Variants in TBX15 observed in about 807,000 individuals in gnomAD.
TBX15 encodes the protein T-box transcription factor 15, also known as T-box transcription factor TBX15.
In TBX15, 18 loss-of-function variants were observed where a neutral mutation model predicts 53.9. The observed-to-expected ratio is 0.33, with a 90% CI of 0.23 to 0.49. The LOEUF (loss-of-function observed/expected upper bound fraction) is 0.49, where lower values mean the gene tolerates loss of function less well. Ranked by LOEUF, TBX15 falls within the 20% of genes least tolerant of loss-of-function variation. TBX15 has a pLI of 0.98. For missense variants in TBX15, 692 were observed against 749.5 expected (o/e 0.92, Z 0.90); for synonymous variants, 295 against 278.0 (o/e 1.06, Z -0.61).
chr1:118,919,136 A>G (rs1354139874), intron 5 of TBX15, among the ~76,000 whole-genome samples: 1 of 152,224 alleles, frequency 6.6e-6, no homozygotes, highest in Non-Finnish European at 1.5e-5. Flanking sequence ...TCATCAAGAA[A>G]TAAGACTGTG....
At position 118,940,724 on chromosome 1, in the gene TBX15, AAAC is replaced by A. The variant is rs1206513395; in HGVS notation, c.206-8895_206-8893del. ...ACGCCAATGACCAAGCATATCAGAA[AAAC>A]AAAAAAAAATAAATAAAGGACAAAT... On this transcript the variant is annotated intron_variant, in intron 1 of 7. Transcript: ENST00000369429. Among the ~76,000 whole-genome samples, 82 of 101,702 alleles carry A rather than the reference AAAC, an allele frequency of 8.1e-4. 1 individual carries two copies. Among genetic ancestry groups the A allele is most frequent in the African/African-American group, 1.9e-3 (52 of 27,688 alleles). The allele number at this position is 101,702 out of a possible 152,430, so 66.7% of individuals were successfully genotyped here.
chr1:118,926,902 G>A (rs1571180699), intron 2 of TBX15, among the ~76,000 whole-genome samples: 1 of 134,536 alleles, frequency 7.4e-6, no homozygotes, highest in Admixed American at 7.5e-5. Flanking sequence ...GTGTGTGTGT[G>A]TTTAGTAGAG....
chr1:118,953,475 A>G (rs543460197), intron 1 of TBX15, among the ~76,000 whole-genome samples: 13 of 152,310 alleles, frequency 8.5e-5, no homozygotes, highest in East Asian at 3.9e-4. Context: ...CACTCCAATT[A>G]GAAAGAAAGG....
intron 1 of TBX15, among the ~76,000 whole-genome samples, chr1:118,987,366 C>A (rs1255128599): frequency 6.6e-6 from 1 of 152,276 alleles, no homozygotes; most frequent in African/African-American, 2.4e-5. Context: ...ACAAACAGGA[C>A]TCCTTGCTTA....
intron 1 of TBX15, among the ~76,000 whole-genome samples, chr1:118,932,500 T>C (rs975854027): frequency 6.6e-6 from 1 of 152,120 alleles, no homozygotes. Context: ...TGTAAGCATA[T>C]GGAAAAAGTT....
intron 2 of TBX15, among the ~76,000 whole-genome samples, chr1:118,927,821 G>C (rs1655648170): frequency 6.6e-6 from 1 of 152,178 alleles, no homozygotes; most frequent in African/African-American, 2.4e-5. Context: ...AAAACATCAA[G>C]CTCAAGCTCT....
chr1:118,890,034 C>T (rs116470281), intron 7 of TBX15, among the ~76,000 whole-genome samples: 2,561 of 152,294 alleles, frequency 0.017, 34 homozygotes, highest in Non-Finnish European at 0.027. Context: ...GTGTTGGCCT[C>T]TGTCTGTGGA....
At chr1:118,906,804 C>T (rs1397625038) in intron 6 of TBX15, among the ~76,000 whole-genome samples, 1 of 152,198 alleles carries the variant, frequency 6.6e-6, no homozygotes, top group Non-Finnish European at 1.5e-5. Flanking sequence ...AGAAGGACTG[C>T]CACCAGCCAC....
At position 118,885,027 on chromosome 1, in the gene TBX15, G is replaced by GAGCTC. The variant is rs771828227; in HGVS notation, c.1509_1513dup (p.Ser505Ter). 6.8e-6 allele frequency: 11 copies of GAGCTC among 1,614,024 alleles called. No homozygotes were observed. Among genetic ancestry groups the GAGCTC allele is most frequent in the Non-Finnish European group, 9.3e-6 (11 of 1,180,024 alleles). On this transcript the variant is annotated stop_gained and frameshift_variant, in exon 8 of 8. Coordinates refer to ENST00000369429, the MANE Select transcript of TBX15 (RefSeq NM_001330677.2). LOFTEE classifies it high-confidence loss of function. ...GTTGTGAAGGGAGAAGGCATTGTAG[G>GAGCTC]AGCTCTGCTGCATGTGGCTGCCCCC...
At chr1:118,934,224 T>C (rs1315296060) in intron 1 of TBX15, among the ~76,000 whole-genome samples, 1 of 152,086 alleles carries the variant, frequency 6.6e-6, no homozygotes, top group Non-Finnish European at 1.5e-5. Flanking sequence ...AACTTAAGGA[T>C]TACACCTCTA....
intron 7 of TBX15, among the ~76,000 whole-genome samples, chr1:118,893,984 C>A (rs1272945191): frequency 1.3e-5 from 2 of 152,148 alleles, no homozygotes. Flanking sequence ...TAAACAAGAG[C>A]TCACCTTAAG....
intron 1 of TBX15, among the ~76,000 whole-genome samples, chr1:118,951,780 G>A (rs1656522437): frequency 6.6e-6 from 1 of 152,162 alleles, no homozygotes; most frequent in African/African-American, 2.4e-5. Flanking sequence ...TAGTGTCCCA[G>A]CCCTATCTGG....
intron 7 of TBX15, among the ~76,000 whole-genome samples, chr1:118,892,304 G>A (rs542511842): frequency 6.6e-6 from 1 of 152,292 alleles, no homozygotes; most frequent in South Asian, 2.1e-4. Context: ...TCATATTAGT[G>A]TCCCTGGCAA....
At chr1:118,926,419 G>T in intron 3 of TBX15, 91 bp downstream of exon 3, 3 of 1,082,614 alleles carry the variant, frequency 2.8e-6, no homozygotes, top group Non-Finnish European at 4.2e-6. Context: ...TGTACAGCAT[G>T]CATTGCTAAA....
chr1:118,899,919 T>G (rs557385027), intron 6 of TBX15, among the ~76,000 whole-genome samples: 1 of 152,292 alleles, frequency 6.6e-6, no homozygotes, highest in Non-Finnish European at 1.5e-5. Flanking sequence ...TAAATTGGAC[T>G]ATGTGCATAC....
intron 7 of TBX15, among the ~76,000 whole-genome samples, chr1:118,893,424 AGATG>A (rs1654254385): frequency 1.5e-5 from 2 of 134,624 alleles, no homozygotes; most frequent in African/African-American, 3.1e-5. Context: ...AAGGAAAGAA[AGATG>A]GAAGGAAGGA....
intron 1 of TBX15, among the ~76,000 whole-genome samples, chr1:118,985,800 G>A (rs1162609999): frequency 6.6e-6 from 1 of 152,130 alleles, no homozygotes; most frequent in East Asian, 1.9e-4. Flanking sequence ...CCCCCATCCC[G>A]CGGGAGCGAG....
At chr1:118,952,849 T>C (rs977880401) in intron 1 of TBX15, among the ~76,000 whole-genome samples, 1 of 152,180 alleles carries the variant, frequency 6.6e-6, no homozygotes, top group Admixed American at 6.5e-5. Context: ...GAAATTCTGC[T>C]ATCTCAGAAA....
chr1:118,906,218 A>G (rs757522295), intron 6 of TBX15, among the ~76,000 whole-genome samples: 25 of 152,290 alleles, frequency 1.6e-4, no homozygotes, highest in Middle Eastern at 3.4e-3. Flanking sequence ...TTTTTGACCT[A>G]TAAATACAGT....
Sources: allele counts gnomAD v4.1 joint callset (sites outside exome capture counted in the v4.1 genomes callset), GRCh38; gene constraint gnomAD v4.1.1; transcripts MANE v1.5; gene names NCBI Gene and HGNC (gene_info 2026-07-23, HGNC 2026-07-21).